Variants in MEI4 observed in about 807,000 individuals in gnomAD.
The protein encoded by MEI4 is meiosis-specific protein MEI4.
MEI4 carries 27 observed loss-of-function variants against 31.4 expected under a neutral mutation model. The observed-to-expected ratio is 0.86, with a 90% confidence interval of 0.63 to 1.19. The LOEUF (loss-of-function observed/expected upper bound fraction) is 1.19. Ranked by LOEUF, MEI4 falls within the 50% of genes most tolerant of loss-of-function variation. The pLI is 0.00. For synonymous variants in MEI4, 122 were observed against 145.4 expected (o/e 0.84, Z 1.16); for missense variants, 329 against 398.9 (o/e 0.82, Z 1.49).
chr6:77,655,921 G>T (rs1042981995), intron 1 of MEI4, among the ~76,000 whole-genome samples: 2 of 152,044 alleles, frequency 1.3e-5, no homozygotes, highest in Admixed American at 6.5e-5. Flanking sequence ...TAATCAAATT[G>T]TCTTTAAGGA....
chr6:77,787,834 A>G (rs1281298249), intron 3 of MEI4, among the ~76,000 whole-genome samples: 1 of 152,220 alleles, frequency 6.6e-6, no homozygotes, highest in East Asian at 1.9e-4. Context: ...GAACAAAATT[A>G]GAAGTCAAAT....
chr6:77,727,419 A>G (rs73759417), intron 2 of MEI4, among the ~76,000 whole-genome samples: 3,462 of 152,300 alleles, frequency 0.023, 136 homozygotes, highest in African/African-American at 0.078. Context: ...AGGCTAAGTT[A>G]TTTGAAGATA....
At chr6:77,690,981 C>T (rs1455061943) in intron 2 of MEI4, 78 bp downstream of exon 2, 3 of 767,918 alleles carry the variant, frequency 3.9e-6, no homozygotes, top group East Asian at 6.8e-5. Context: ...GAAATGTATT[C>T]CCAAAACATG....
chr6:77,761,720 C>G, intron 3 of MEI4, 55 bp downstream of exon 3: 3 of 1,137,216 alleles, frequency 2.6e-6, no homozygotes, highest in Non-Finnish European at 3.3e-6. Context: ...TAGTGAACAT[C>G]TCTTTGGGTA....
intron 4 of MEI4, among the ~76,000 whole-genome samples, chr6:77,911,733 A>AATAT (rs57488657): frequency 6.8e-5 from 10 of 147,058 alleles, no homozygotes; most frequent in Admixed American, 2.1e-4. Context: ...TTATATATAT[A>AATAT]ATATATATAT....
intron 1 of MEI4, among the ~76,000 whole-genome samples, chr6:77,658,114 AAG>A (rs1419961418): frequency 6.6e-6 from 1 of 152,236 alleles, no homozygotes; most frequent in Non-Finnish European, 1.5e-5. Flanking sequence ...TGAGTCCGAA[AAG>A]AGAGTCAGCG....
intron 4 of MEI4, among the ~76,000 whole-genome samples, chr6:77,873,190 A>G (rs1358685785): frequency 6.6e-6 from 1 of 152,324 alleles, no homozygotes; most frequent in African/African-American, 2.4e-5. Flanking sequence ...TGACTTCCAC[A>G]ATGGTTGAAC....
At chr6:77,674,272 A>T (rs1423952177) in intron 1 of MEI4, among the ~76,000 whole-genome samples, 1 of 152,176 alleles carries the variant, frequency 6.6e-6, no homozygotes, top group East Asian at 1.9e-4. Flanking sequence ...AGGGAAAATA[A>T]GAGTTTTTAA....
chr6:77,801,137 T>C (rs1206076467), intron 3 of MEI4, among the ~76,000 whole-genome samples: 1 of 152,202 alleles, frequency 6.6e-6, no homozygotes, highest in Non-Finnish European at 1.5e-5. Context: ...TTTTGTTGGT[T>C]GGTAAGCTAT....
At position 77,924,338 on chromosome 6, in the gene MEI4, G is replaced by GTA. The variant is rs1250099143; in HGVS notation, c.*997_*998dup. On this transcript the variant is annotated 3_prime_UTR_variant, in exon 5 of 5. Coordinates refer to ENST00000684080, the MANE Select transcript of MEI4 (RefSeq NM_001322247.2). ...TAATCTTGATAATTCCATCTACAATGTATATACAATTATGTCATCTGGCAC... is the reference window on the plus strand; with the variant it reads ...TAATCTTGATAATTCCATCTACAATGTATATATACAATTATGTCATCTGGCAC... 50 of 151,802 alleles carry GTA rather than the reference G, an allele frequency of 3.3e-4. No individual in the cohort carries two copies. Among genetic ancestry groups the GTA allele is most frequent in the Admixed American group, 8.6e-4 (13 of 15,188 alleles). 9.4% of individuals were successfully genotyped at this position (151,802 alleles called of 1,614,324 possible). A position where few individuals can be genotyped will look rare whatever the true frequency, so the allele number is the denominator to read the frequency against.
intron 1 of MEI4, among the ~76,000 whole-genome samples, chr6:77,685,601 T>G (rs929915859): frequency 4.6e-5 from 7 of 152,092 alleles, no homozygotes; most frequent in African/African-American, 1.7e-4. Context: ...CCTTCTGTCA[T>G]ATTCAAAGTA....
intron 4 of MEI4, among the ~76,000 whole-genome samples, chr6:77,867,113 T>TA (rs1384850284): frequency 2.0e-5 from 3 of 152,092 alleles, no homozygotes; most frequent in Non-Finnish European, 4.4e-5. Flanking sequence ...CCTAAAACCA[T>TA]AAAAACCCTA....
intron 4 of MEI4, among the ~76,000 whole-genome samples, chr6:77,901,552 A>T (rs544944886): frequency 2.6e-5 from 4 of 152,002 alleles, no homozygotes; most frequent in Non-Finnish European, 5.9e-5. Context: ...CCCATTTTTA[A>T]TCAGGCTGTT....
At chr6:77,764,405 AT>A (rs568200202) in intron 3 of MEI4, among the ~76,000 whole-genome samples, 3 of 151,484 alleles carry the variant, frequency 2.0e-5, no homozygotes, top group Admixed American at 1.3e-4. Context: ...GCAAACTCTT[AT>A]TTTTTTTATT....
chr6:77,728,354 T>A (rs1056735291), intron 2 of MEI4, among the ~76,000 whole-genome samples: 4 of 152,296 alleles, frequency 2.6e-5, no homozygotes, highest in Non-Finnish European at 4.4e-5. Flanking sequence ...GCTCCTAAAG[T>A]AGTCATGTAT....
At chr6:77,899,810 T>G (rs1032714382) in intron 4 of MEI4, among the ~76,000 whole-genome samples, 1 of 152,062 alleles carries the variant, frequency 6.6e-6, no homozygotes, top group African/African-American at 2.4e-5. Flanking sequence ...ATTCATTCAT[T>G]ATTAGATATG....
At position 77,809,513 on chromosome 6, in the gene MEI4, T is replaced by C. The variant is rs576576173; in HGVS notation, c.769-19418T>C. On this transcript the variant is annotated intron_variant, in intron 3 of 4. Coordinates refer to ENST00000684080, the MANE Select transcript of MEI4 (RefSeq NM_001322247.2). The stretch of plus-strand genomic sequence containing the variant: ...ATATAGATTTCTCTTATATTTAGAT[T>C]TTAGAATTCTTTCACTTCTGTTCAC... Among the ~76,000 whole-genome samples, 7 of 152,336 alleles carry C rather than the reference T, an allele frequency of 4.6e-5. No homozygotes were observed. In the South Asian group the frequency reaches 8.3e-4, roughly 18 times the overall value.
At chr6:77,789,992 C>A (rs574438227) in intron 3 of MEI4, among the ~76,000 whole-genome samples, 1 of 152,108 alleles carries the variant, frequency 6.6e-6, no homozygotes, top group African/African-American at 2.4e-5. Flanking sequence ...ATAGCAAAGT[C>A]TTGGAACCAA....
chr6:77,814,052 A>G (rs538595334), intron 3 of MEI4, among the ~76,000 whole-genome samples: 53 of 152,246 alleles, frequency 3.5e-4, no homozygotes, highest in African/African-American at 1.2e-3. Context: ...AACCATCAGT[A>G]TACACCTCCA....
Sources: allele counts gnomAD v4.1 joint callset (sites outside exome capture counted in the v4.1 genomes callset), GRCh38; gene constraint gnomAD v4.1.1; transcripts MANE v1.5; gene names NCBI Gene and HGNC (gene_info 2026-07-23, HGNC 2026-07-21).